The following SMC2 variants were observed in gnomAD, a reference collection of about 807,000 sequenced individuals.
SMC2 encodes the protein structural maintenance of chromosomes protein 2.
A neutral mutation model predicts 142.6 loss-of-function variants in SMC2; 41 were observed. That is an observed-to-expected ratio of 0.29 (90% CI 0.22 to 0.37). The LOEUF (loss-of-function observed/expected upper bound fraction) is 0.37. SMC2 is among the 10% of genes least tolerant of loss of function. SMC2 has a pLI of 1.00. For missense variants in SMC2, 1,265 were observed against 1,373.7 expected (o/e 0.92, Z 1.25); for synonymous variants, 463 against 457.5 (o/e 1.01, Z -0.15).
intron 14 of SMC2, among the ~76,000 whole-genome samples, chr9:104,117,432 G>A (rs1255632642): frequency 2.6e-5 from 4 of 152,134 alleles, no homozygotes; most frequent in Non-Finnish European, 2.9e-5. Flanking sequence ...TTAAATGATG[G>A]GCAGAGGTAG....
chr9:104,120,337 AAG>A (rs1338628680), intron 16 of SMC2, among the ~76,000 whole-genome samples, 175 bp downstream of exon 16: 9 of 152,158 alleles, frequency 5.9e-5, no homozygotes, highest in Non-Finnish European at 5.9e-5. Context: ...TTTTTCTCAT[AAG>A]AGAGATGTCT....
upstream of SMC2, among the ~76,000 whole-genome samples, chr9:104,093,559 G>C: frequency 6.6e-6 from 1 of 151,744 alleles, no homozygotes; most frequent in East Asian, 1.9e-4. Flanking sequence ...TCAATAACAT[G>C]AACTGTCTTA....
chr9:104,113,018 A>G lies in SMC2; in HGVS notation c.1255-298A>G, dbSNP rs191069366. ...AGCGTTCTTTTTTTAATTACCAGCTACTGACAGTTATTCGATATAATCCTT... is the reference window on the plus strand; with the variant it reads ...AGCGTTCTTTTTTTAATTACCAGCTGCTGACAGTTATTCGATATAATCCTT... On this transcript the variant is annotated intron_variant, in intron 10 of 24. Coordinates refer to ENST00000374793, the MANE Select transcript of SMC2 (RefSeq NM_006444.3). Among the ~76,000 whole-genome samples, 7 of 152,272 alleles carry G rather than the reference A, an allele frequency of 4.6e-5. No homozygotes were observed. In the East Asian group the frequency reaches 1.3e-3, roughly 29 times the overall value.
At chr9:104,126,046 AGATTCTCAGAG>A (rs1834227816) in intron 18 of SMC2, among the ~76,000 whole-genome samples, 1 of 152,188 alleles carries the variant, frequency 6.6e-6, no homozygotes, top group African/African-American at 2.4e-5. Context: ...CTGTGGCATT[AGATTCTCAGAG>A]GAGTGCAGAC....
rs1832629103 is a variant in SMC2, at chr9:104,112,792, T to G, written c.1255-524T>G. 2.0e-5 allele frequency among the ~76,000 whole-genome samples: 3 copies of G among 152,154 alleles called. No individual in the cohort carries two copies. In the South Asian group the frequency reaches 6.2e-4, roughly 31 times the overall value. ...TATAAATTCTTGAAGGCCTGACACATGTAATTTAAATAGTTCTAGCATTTA... is the reference window on the plus strand; with the variant it reads ...TATAAATTCTTGAAGGCCTGACACAGGTAATTTAAATAGTTCTAGCATTTA... On this transcript the variant is annotated intron_variant, in intron 10 of 24. Coordinates refer to ENST00000374793, the MANE Select transcript of SMC2 (RefSeq NM_006444.3).
Position 104,099,508 on chromosome 9 carries a change from A to G in SMC2, c.442-136A>G. ...TTCCAAAATTCTAGAATCATAGAAG[A>G]ATTATAGAGGAAAGACCCCCCCAAA... is the stretch of plus-strand genomic sequence containing the variant. On this transcript the variant is annotated intron_variant, in intron 4 of 24. Coordinates refer to ENST00000374793, the MANE Select transcript of SMC2 (RefSeq NM_006444.3). 6 of 584,526 alleles carry G rather than the reference A, an allele frequency of 1.0e-5. No homozygotes were observed. The Middle Eastern group carries it at 8.0e-4, about 78-fold the overall frequency. 36.2% of individuals were successfully genotyped at this position (584,526 alleles called of 1,614,324 possible). A position where few individuals can be genotyped will look rare whatever the true frequency, so the allele number is the denominator to read the frequency against.
At chr9:104,112,302 C>G (rs1460616604) in intron 10 of SMC2, among the ~76,000 whole-genome samples, 1 of 152,176 alleles carries the variant, frequency 6.6e-6, no homozygotes, top group Non-Finnish European at 1.5e-5. Context: ...TAGCCACATT[C>G]TAGTCTGCTC....
intron 21 of SMC2, among the ~76,000 whole-genome samples, chr9:104,130,396 G>A (rs1215217824): frequency 6.6e-6 from 1 of 151,934 alleles, no homozygotes; most frequent in Non-Finnish European, 1.5e-5. Context: ...ACCCAGTGGG[G>A]GAAGCATTCC....
intron 18 of SMC2, among the ~76,000 whole-genome samples, chr9:104,126,273 G>GCTCTTCTAAT (rs1303637558): frequency 2.0e-5 from 3 of 152,046 alleles, no homozygotes; most frequent in African/African-American, 7.2e-5. Context: ...AGGCTATAGT[G>GCTCTTCTAAT]GGAAAGAAGA....
intron 22 of SMC2, among the ~76,000 whole-genome samples, chr9:104,134,098 G>A (rs1194260949): frequency 3.9e-5 from 6 of 152,050 alleles, no homozygotes; most frequent in Non-Finnish European, 8.8e-5. Context: ...AGTTAGAGGT[G>A]TGCCTTCTAG....
chr9:104,121,653 G>T (rs1587965375), intron 16 of SMC2, among the ~76,000 whole-genome samples: 1 of 152,174 alleles, frequency 6.6e-6, no homozygotes, highest in South Asian at 2.1e-4. Context: ...TTATTTTTGG[G>T]TATGTTTTTA....
Position 104,123,229 on chromosome 9 carries a change from A to G in SMC2, c.2254A>G (p.Ile752Val), listed in dbSNP as rs1564103102. ...QEELDALKKT[I>V]EESEETLKNT... ...AGAATTAGATGCCCTTAAAAAAACC[A>G]TTGGTAAGATGAAAACAGTCCATGC... Residue 752 changes from isoleucine to valine, a missense_variant, in exon 17 of 25, where the codon ATT becomes GTT. This residue lies in a region of SMC2 where 898 missense variants were observed against 904.2 expected (regional missense o/e 0.99). Coordinates refer to ENST00000374793, the MANE Select transcript of SMC2 (RefSeq NM_006444.3). The G allele has an allele frequency of 2.5e-6, 4 of 1,611,898 alleles. No individual in the cohort carries two copies. Among genetic ancestry groups the G allele is most frequent in the East Asian group, 2.2e-5 (1 of 44,660 alleles).
chr9:104,119,130 T>C (rs1833450148), intron 15 of SMC2, among the ~76,000 whole-genome samples: 1 of 152,126 alleles, frequency 6.6e-6, no homozygotes, highest in South Asian at 2.1e-4. Flanking sequence ...ACGAAAACAT[T>C]AGCCGGTTCA....
At chr9:104,121,767 T>TAC (rs1833766292) in intron 16 of SMC2, among the ~76,000 whole-genome samples, 4 of 149,444 alleles carry the variant, frequency 2.7e-5, no homozygotes, top group African/African-American at 1.0e-4. Context: ...TTCAGAGATA[T>TAC]AAATTGAATC....
intron 16 of SMC2, among the ~76,000 whole-genome samples, chr9:104,121,099 A>G (rs1457533400): frequency 7.3e-6 from 1 of 136,624 alleles, no homozygotes; most frequent in Non-Finnish European, 1.5e-5. Context: ...TGAGTGAACA[A>G]GAGTGAGTGA....
Position 104,139,492 on chromosome 9 carries a change from T to A in SMC2, c.*177T>A. 2.1e-6 allele frequency: 1 copy of A among 475,392 alleles called. No individual in the cohort carries two copies. The highest frequency in any genetic ancestry group is 3.7e-6 in the Non-Finnish European group (1 of 273,838). The allele number at this position is 475,392 out of a possible 1,614,324, so 29.4% of individuals were successfully genotyped here. A position where few individuals can be genotyped will look rare whatever the true frequency, so the allele number is the denominator to read the frequency against. ...GAGCATATATTCCTCATCTCTTAAC[T>A]AGTCTAATTATGGTCCAATTATTGT... On this transcript the variant is annotated 3_prime_UTR_variant, in exon 25 of 25. Transcript: ENST00000374793.
intron 17 of SMC2, 48 bp downstream of exon 17, chr9:104,123,280 G>A (rs776136345): frequency 3.8e-6 from 6 of 1,576,834 alleles, no homozygotes; most frequent in African/African-American, 1.4e-5. Flanking sequence ...ATTCATATCC[G>A]TTACCTTACT....
At position 104,095,439 on chromosome 9, in the gene SMC2, G is replaced by A; in HGVS notation, c.55G>A (p.Glu19Lys). The A allele has an allele frequency of 1.9e-6, 3 of 1,613,618 alleles. No individual in the cohort carries two copies. The highest frequency in any genetic ancestry group is 2.5e-6 in the Non-Finnish European group (3 of 1,179,726). The change falls in exon 2 of 25, where the codon GAA becomes AAA. Residue 19 changes from glutamate to lysine, a missense_variant. Physicochemically the swap from Glu to Lys is moderately conservative, Grantham distance 56 (BLOSUM62 1). This residue lies in a region of SMC2 where 168 missense variants were observed against 184.8 expected (regional missense o/e 0.91). Transcript: ENST00000374793. Reference protein sequence around the residue: ...EGFKSYAQRTEVNGFDPLFNA... With the variant: ...EGFKSYAQRTKVNGFDPLFNA... ...ATTCAAGTCCTATGCTCAGAGGACC[G>A]AAGTCAATGGTTTTGACCCCCTCTT...
At chr9:104,093,092 C>A (rs1830068979), upstream of SMC2, 1 of 152,194 alleles carries the variant, frequency 6.6e-6, no homozygotes, top group Non-Finnish European at 1.5e-5. Context: ...GAAGAATAAA[C>A]TTCTGTGGTT....
Sources: allele counts gnomAD v4.1 joint callset (sites outside exome capture counted in the v4.1 genomes callset), GRCh38; gene constraint gnomAD v4.1.1; regional missense constraint gnomAD v4.1.1; transcripts MANE v1.5; gene names NCBI Gene and HGNC (gene_info 2026-07-23, HGNC 2026-07-21).